The following ZBTB16 variants were observed in gnomAD, a reference collection of about 807,000 sequenced individuals.
ZBTB16 encodes zinc finger and BTB domain-containing protein 16.
In ZBTB16, 8 loss-of-function variants were observed where a neutral mutation model predicts 56.8. That is an observed-to-expected ratio of 0.14 (90% CI 0.08 to 0.25). The LOEUF (loss-of-function observed/expected upper bound fraction) is 0.25. Ranked by LOEUF, ZBTB16 falls within the 10% of genes least tolerant of loss-of-function variation. The probability of loss-of-function intolerance (pLI) is 1.00; values close to 1 mark genes in which losing one functional copy is unlikely to be tolerated. For synonymous variants in ZBTB16, 363 were observed against 368.5 expected (o/e 0.98, Z 0.17); for missense variants, 625 against 903.0 (o/e 0.69, Z 3.95).
At position 114,251,260 on chromosome 11, in the gene ZBTB16, A is replaced by T. The variant is rs572897127; in HGVS notation, c.*705A>T. On this transcript the variant is annotated 3_prime_UTR_variant, in exon 7 of 7. Coordinates refer to ENST00000335953, the MANE Select transcript of ZBTB16 (RefSeq NM_006006.6). ...AGTCCCAGGGGAGTCCCAGCCCCTC[A>T]GGGACCTGGCGGTGTCTCCATCCTT... Among the ~76,000 whole-genome samples, 1 of 152,146 alleles carries T rather than the reference A, an allele frequency of 6.6e-6. No homozygotes were observed. Among genetic ancestry groups the T allele is most frequent in the Admixed American group, 6.5e-5 (1 of 15,290 alleles).
At chr11:114,086,973 C>T (rs909446812) in intron 2 of ZBTB16, among the ~76,000 whole-genome samples, 4 of 152,210 alleles carry the variant, frequency 2.6e-5, no homozygotes, top group African/African-American at 7.2e-5. Context: ...ACTTCTCCCC[C>T]TCCTCCTCTG....
intron 2 of ZBTB16, among the ~76,000 whole-genome samples, chr11:114,150,676 T>C (rs1457506308): frequency 6.6e-6 from 1 of 152,218 alleles, no homozygotes; most frequent in East Asian, 1.9e-4. Context: ...AAATGGACGT[T>C]GAAAGTGTGT....
chr11:114,200,052 C>T (rs1405575973), intron 4 of ZBTB16, among the ~76,000 whole-genome samples: 7 of 149,786 alleles, frequency 4.7e-5, no homozygotes, highest in African/African-American at 7.4e-5. Flanking sequence ...GGTGTGAACC[C>T]GGGAGGCGGA....
At chr11:114,162,412 G>A (rs1591732988) in intron 3 of ZBTB16, among the ~76,000 whole-genome samples, 1 of 152,364 alleles carries the variant, frequency 6.6e-6, no homozygotes, top group Non-Finnish European at 1.5e-5. Flanking sequence ...AGGAGACAGT[G>A]CGAGGTGGTC....
intron 2 of ZBTB16, among the ~76,000 whole-genome samples, chr11:114,086,943 G>C (rs760148105): frequency 2.4e-4 from 37 of 152,188 alleles, no homozygotes; most frequent in Non-Finnish European, 4.3e-4. Context: ...TGGCTCCATT[G>C]ACCCCTCCTG....
At chr11:114,135,794 A>G (rs779466044) in intron 2 of ZBTB16, among the ~76,000 whole-genome samples, 1 of 152,216 alleles carries the variant, frequency 6.6e-6, no homozygotes, top group African/African-American at 2.4e-5. Context: ...TCCTTGGGCA[A>G]ATGGGAGCCA....
At chr11:114,159,938 G>GGC (rs1491306282) in intron 3 of ZBTB16, among the ~76,000 whole-genome samples, 1 of 65,678 alleles carries the variant, frequency 1.5e-5, no homozygotes, top group Non-Finnish European at 2.8e-5. Flanking sequence ...CGGGGGAGGC[G>GGC]GGGGGGAGGC....
intron 2 of ZBTB16, among the ~76,000 whole-genome samples, chr11:114,114,090 A>G (rs776949432): frequency 2.0e-5 from 3 of 152,360 alleles, no homozygotes; most frequent in South Asian, 4.1e-4. Context: ...TGCTGTTTCT[A>G]TCTCCATGAT....
intron 4 of ZBTB16, chr11:114,189,496 T>G (rs1565676264): frequency 6.6e-6 from 1 of 152,224 alleles, no homozygotes; most frequent in Non-Finnish European, 1.5e-5. Flanking sequence ...GTAGCCACTT[T>G]GGAAAACATT....
intron 4 of ZBTB16, among the ~76,000 whole-genome samples, chr11:114,226,328 C>G (rs1423592256): frequency 2.0e-5 from 3 of 152,202 alleles, no homozygotes; most frequent in African/African-American, 7.2e-5. Flanking sequence ...TCAAGCGATG[C>G]TGGTGTTGGG....
intron 4 of ZBTB16, chr11:114,211,090 T>C: frequency 6.2e-6 from 1 of 160,470 alleles, no homozygotes; most frequent in East Asian, 1.4e-4. Flanking sequence ...CTAGCTAATT[T>C]TTCTATTTTT....
At position 114,063,197 on chromosome 11, in the gene ZBTB16, C is replaced by T. The variant is rs1437704007; in HGVS notation, c.-90-14C>T. On this transcript the variant is annotated splice_polypyrimidine_tract_variant and intron_variant, in intron 1 of 6. Transcript: ENST00000335953. This position sits in a 1 kb window ranked among gnomAD's most constrained non-coding sequence, Gnocchi z 6.5. ...TCTCATCTCTTTTGCTTCTTCCCCT[C>T]TTCTTTCTCCTAGCCTCCTCTATTG... The T allele has an allele frequency of 7.6e-7, 1 of 1,315,524 alleles. No individual in the cohort carries two copies. The highest frequency in any genetic ancestry group is 1.1e-6 in the Non-Finnish European group (1 of 944,268). 81.5% of individuals were successfully genotyped at this position (1,315,524 alleles called of 1,614,324 possible).
chr11:114,236,342 G>T (rs1944589475), intron 4 of ZBTB16, among the ~76,000 whole-genome samples: 1 of 152,202 alleles, frequency 6.6e-6, no homozygotes, highest in South Asian at 2.1e-4. Flanking sequence ...GACAACCACT[G>T]CCTGGACTAG....
chr11:114,201,114 A>G (rs1211819880), intron 4 of ZBTB16, among the ~76,000 whole-genome samples: 4 of 152,290 alleles, frequency 2.6e-5, no homozygotes, highest in African/African-American at 9.6e-5. Context: ...TGGAATCTCA[A>G]TCCGACTCAC....
At chr11:114,230,066 G>C (rs180954324) in intron 4 of ZBTB16, among the ~76,000 whole-genome samples, 1 of 152,116 alleles carries the variant, frequency 6.6e-6, no homozygotes, top group Non-Finnish European at 1.5e-5. Context: ...CCGCCCTCTC[G>C]GTTGAAGCCC....
chr11:114,169,224 A>T (rs1942884868), intron 3 of ZBTB16, among the ~76,000 whole-genome samples: 1 of 152,150 alleles, frequency 6.6e-6, no homozygotes, highest in Non-Finnish European at 1.5e-5. Context: ...CAGCCCAGAA[A>T]TGTGAGAGCT....
chr11:114,183,036 CT>C (rs1461910035), intron 3 of ZBTB16, among the ~76,000 whole-genome samples: 6 of 152,186 alleles, frequency 3.9e-5, no homozygotes, highest in African/African-American at 1.4e-4. Context: ...AGGATTTTGT[CT>C]GTCTCGCTCG....
At chr11:114,245,663 A>T (rs1362282106) in intron 5 of ZBTB16, among the ~76,000 whole-genome samples, 1 of 152,184 alleles carries the variant, frequency 6.6e-6, no homozygotes, top group African/African-American at 2.4e-5. Flanking sequence ...GAGAAGGACA[A>T]TTTATGCCCA....
intron 2 of ZBTB16, among the ~76,000 whole-genome samples, chr11:114,147,033 CTCTTA>C (rs1942125977): frequency 6.6e-6 from 1 of 152,156 alleles, no homozygotes; most frequent in African/African-American, 2.4e-5. Context: ...TCCGTTCAGT[CTCTTA>C]TCTTGTGTTC....
Sources: gnomAD v4.1 joint callset for allele counts (sites outside exome capture counted in the v4.1 genomes callset) on GRCh38, gnomAD v4.1.1 for gene constraint, Gnocchi (gnomAD v3.1) non-coding constraint, MANE v1.5 for transcripts, NCBI Gene and HGNC (gene_info 2026-07-23, HGNC 2026-07-21) for gene names.